PPIP5K2: variants seen among roughly 807,000 people sequenced by gnomAD.
PPIP5K2 encodes the protein inositol hexakisphosphate and diphosphoinositol-pentakisphosphate kinase 2.
In PPIP5K2, 105 loss-of-function variants were observed where a neutral mutation model predicts 154.6. The ratio of observed to expected loss-of-function variants is 0.68; its 90% confidence interval spans 0.58 to 0.80. PPIP5K2 has a LOEUF of 0.80. Ranked by LOEUF, PPIP5K2 falls within the 30% of genes least tolerant of loss-of-function variation. The pLI, the probability that PPIP5K2 is intolerant of heterozygous loss-of-function variation, is 0.00. For missense variants in PPIP5K2, 992 were observed against 1,504.6 expected (o/e 0.66, Z 5.64); for synonymous variants, 480 against 490.3 (o/e 0.98, Z 0.28).
At chr5:103,189,823 G>A (rs1800947204) in intron 28 of PPIP5K2, among the ~76,000 whole-genome samples, 1 of 151,972 alleles carries the variant, frequency 6.6e-6, no homozygotes, top group South Asian at 2.1e-4. Context: ...ATTTAAAAAT[G>A]AGCACACGCC....
intron 9 of PPIP5K2, 37 bp downstream of exon 9, chr5:103,151,411 A>C (rs1246810294): frequency 2.7e-6 from 4 of 1,499,976 alleles, no homozygotes; most frequent in Non-Finnish European, 3.7e-6. Flanking sequence ...ACCTTCATAT[A>C]CTAGTTATTC....
At chr5:103,177,355 T>C (rs1286262603) in intron 21 of PPIP5K2, among the ~76,000 whole-genome samples, 5 of 151,980 alleles carry the variant, frequency 3.3e-5, no homozygotes, top group African/African-American at 1.2e-4. Context: ...CCCAAAATTC[T>C]CCAATGAGTA....
At chr5:103,159,068 T>G in intron 16 of PPIP5K2, 78 bp from the exon 17 acceptor site, 1 of 1,003,044 alleles carries the variant, frequency 1.0e-6, no homozygotes, top group Non-Finnish European at 1.4e-6. Context: ...TTATACTTTA[T>G]GAAAATCAGT....
At chr5:103,149,405 A>C in intron 8 of PPIP5K2, 92 bp downstream of exon 8, 3 of 1,227,236 alleles carry the variant, frequency 2.4e-6, no homozygotes, top group Non-Finnish European at 3.4e-6. Flanking sequence ...TAATTGGAGA[A>C]GTAAACCGAG....
chr5:103,167,970 GTATTTT>G (rs1554218426), intron 18 of PPIP5K2, 96 bp from the exon 19 acceptor site: 4 of 705,318 alleles, frequency 5.7e-6, no homozygotes, highest in African/African-American at 3.7e-5. Flanking sequence ...TCATACAGTT[GTATTTT>G]TGACACTTTA....
At chr5:103,193,304 T>C (rs1449396513) in intron 29 of PPIP5K2, among the ~76,000 whole-genome samples, 1 of 152,036 alleles carries the variant, frequency 6.6e-6, no homozygotes, top group Non-Finnish European at 1.5e-5. Context: ...AATTATAGGA[T>C]ATTTATATTA....
chr5:103,133,905 C>T (rs116042323), intron 3 of PPIP5K2, among the ~76,000 whole-genome samples: 5 of 152,076 alleles, frequency 3.3e-5, no homozygotes, highest in Non-Finnish European at 5.9e-5. Context: ...TTTTCCCCTA[C>T]CATGTCATTC....
chr5:103,190,306 G>C (rs782056600), intron 28 of PPIP5K2, among the ~76,000 whole-genome samples: 14 of 151,898 alleles, frequency 9.2e-5, no homozygotes, highest in Non-Finnish European at 1.9e-4. Flanking sequence ...AATACGTTTT[G>C]GAATTTTTAT....
rs77682788 is a variant in PPIP5K2 at position 103,157,858 on chromosome 5, A to T, written c.1490-330A>T. On this transcript the variant is annotated intron_variant, in intron 14 of 30. Coordinates refer to ENST00000358359, the MANE Select transcript of PPIP5K2 (RefSeq NM_001276277.3). The stretch of plus-strand genomic sequence containing the variant: ...TAATCCAGCAGACATAGCACAACTA[A>T]ATTAAGTACAATGAAAAAATTACTA... Among the ~76,000 whole-genome samples, 833 of 152,340 alleles carry T rather than the reference A, an allele frequency of 5.5e-3. 11 individuals carry two copies. The highest frequency in any genetic ancestry group is 0.019 in the African/African-American group (791 of 41,586).
chr5:103,176,570 T>C (rs1201527794), intron 21 of PPIP5K2, among the ~76,000 whole-genome samples: 1 of 151,980 alleles, frequency 6.6e-6, no homozygotes, highest in Non-Finnish European at 1.5e-5. Context: ...GTCTTATAAT[T>C]TGCTTTTAAA....
At chr5:103,122,698 T>A (rs1554199515) in intron 1 of PPIP5K2, among the ~76,000 whole-genome samples, 1 of 152,196 alleles carries the variant, frequency 6.6e-6, no homozygotes, top group East Asian at 1.9e-4. Flanking sequence ...GTTATGTGTT[T>A]GCGTTTAGGC....
In PPIP5K2 at chr5:103,202,725, C is replaced by A. The variant is rs1248237519; in HGVS notation, c.*1091C>A. 2 of 152,096 alleles carry A rather than the reference C, an allele frequency of 1.3e-5. No homozygotes were observed. Among genetic ancestry groups the A allele is most frequent in the Non-Finnish European group, 2.9e-5 (2 of 67,992 alleles). 9.4% of individuals were successfully genotyped at this position (152,096 alleles called of 1,614,324 possible). On this transcript the variant is annotated 3_prime_UTR_variant, in exon 31 of 31. Transcript: ENST00000358359. ...TTTATTATCCTTGGTGCTTTCCCCC[C>A]CACCAATGCACAAATAATTGTGAAC...
At chr5:103,199,372 G>A (rs2149847286) in intron 30 of PPIP5K2, among the ~76,000 whole-genome samples, 1 of 152,044 alleles carries the variant, frequency 6.6e-6, no homozygotes, top group South Asian at 2.1e-4. Context: ...CTGAAAAATG[G>A]CTTTATTTTG....
At chr5:103,196,406 C>A (rs1802098725) in intron 30 of PPIP5K2, among the ~76,000 whole-genome samples, 1 of 152,106 alleles carries the variant, frequency 6.6e-6, no homozygotes, top group South Asian at 2.1e-4. Context: ...GTATGTGAAA[C>A]AACAGACAAT....
chr5:103,210,465 T>C lies in PPIP5K2; in HGVS notation c.*8831T>C, dbSNP rs1405452048. 6.6e-6 allele frequency: 1 copy of C among 152,118 alleles called. No homozygotes were observed. Among genetic ancestry groups the C allele is most frequent in the Non-Finnish European group, 1.5e-5 (1 of 67,976 alleles). The allele number at this position is 152,118 out of a possible 1,614,324, so 9.4% of individuals were successfully genotyped here. A position where few individuals can be genotyped will look rare whatever the true frequency, so the allele number is the denominator to read the frequency against. ...CTCTTCAGAAAAGAGCAAAGTTGTCTGCTCTAATGGATAGAATAAGGAGCT... is the reference window on the plus strand; with the variant it reads ...CTCTTCAGAAAAGAGCAAAGTTGTCCGCTCTAATGGATAGAATAAGGAGCT... On this transcript the variant is annotated 3_prime_UTR_variant, in exon 31 of 31. Coordinates refer to ENST00000358359, the MANE Select transcript of PPIP5K2 (RefSeq NM_001276277.3).
chr5:103,202,946 T>C lies in PPIP5K2; in HGVS notation c.*1312T>C, dbSNP rs1803227898. ...CTTCTCACCTTAAATAGTCATATAT[T>C]AATTAACTTATAGGAAATAAGCATA... On this transcript the variant is annotated 3_prime_UTR_variant, in exon 31 of 31. Coordinates refer to ENST00000358359, the MANE Select transcript of PPIP5K2 (RefSeq NM_001276277.3). 1 of 152,588 alleles carries C rather than the reference T, an allele frequency of 6.6e-6. No individual in the cohort carries two copies. Among genetic ancestry groups the C allele is most frequent in the South Asian group, 2.1e-4 (1 of 4,836 alleles). 9.5% of individuals were successfully genotyped at this position (152,588 alleles called of 1,614,324 possible).
At position 103,204,933 on chromosome 5, in the gene PPIP5K2, G is replaced by A. The variant is rs1169920641; in HGVS notation, c.*3299G>A. The A allele has an allele frequency of 2.0e-5, 3 of 151,720 alleles. No homozygotes were observed. The highest frequency in any genetic ancestry group is 7.3e-5 in the African/African-American group (3 of 41,278). The allele number at this position is 151,720 out of a possible 1,614,324, so 9.4% of individuals were successfully genotyped here. A position where few individuals can be genotyped will look rare whatever the true frequency, so the allele number is the denominator to read the frequency against. ...AGGTTTGTTACATAGGTATACATGT[G>A]CCATGTTGGTTTGCTGCACCCATGA... On this transcript the variant is annotated 3_prime_UTR_variant, in exon 31 of 31. Coordinates refer to ENST00000358359, the MANE Select transcript of PPIP5K2 (RefSeq NM_001276277.3).
At chr5:103,132,291 C>G (rs968911734) in intron 2 of PPIP5K2, among the ~76,000 whole-genome samples, 3 of 152,088 alleles carry the variant, frequency 2.0e-5, no homozygotes, top group Non-Finnish European at 4.4e-5. Flanking sequence ...CCTGTAATCC[C>G]AGCACTTTGG....
Position 103,212,362 on chromosome 5 carries a change from A to G in PPIP5K2, c.*10728A>G. 1 of 152,670 alleles carries G rather than the reference A, an allele frequency of 6.6e-6. No individual in the cohort carries two copies. Among genetic ancestry groups the G allele is most frequent in the Non-Finnish European group, 1.5e-5 (1 of 68,020 alleles). The allele number at this position is 152,670 out of a possible 1,614,324, so 9.5% of individuals were successfully genotyped here. A position where few individuals can be genotyped will look rare whatever the true frequency, so the allele number is the denominator to read the frequency against. ...CACAATTTAAAACAAGTTGTAAACT[A>G]CAGGAAACAGTTGGCATCCCAGGAG... On this transcript the variant is annotated 3_prime_UTR_variant, in exon 31 of 31. Transcript: ENST00000358359.
Sources: allele counts gnomAD v4.1 joint callset (sites outside exome capture counted in the v4.1 genomes callset), GRCh38; gene constraint gnomAD v4.1.1; transcripts MANE v1.5; gene names NCBI Gene and HGNC (gene_info 2026-07-23, HGNC 2026-07-21).